DGKH: variants seen among roughly 807,000 people sequenced by gnomAD.
The protein encoded by DGKH is DAG kinase eta.
In DGKH, 90 loss-of-function variants were observed where a neutral mutation model predicts 159.3. The ratio of observed to expected loss-of-function variants is 0.57; its 90% confidence interval spans 0.48 to 0.67. The LOEUF (loss-of-function observed/expected upper bound fraction) is 0.67, where lower values mean the gene tolerates loss of function less well. Among genes scored for constraint, DGKH ranks in the 30% least tolerant of loss-of-function variants. The pLI is 0.00. For synonymous variants in DGKH, 536 were observed against 553.8 expected (o/e 0.97, Z 0.45); for missense variants, 1,181 against 1,506.1 (o/e 0.78, Z 3.57).
At chr13:42,098,497 A>T (rs1176177731) in intron 1 of DGKH, among the ~76,000 whole-genome samples, 1 of 152,012 alleles carries the variant, frequency 6.6e-6, no homozygotes, top group Non-Finnish European at 1.5e-5. Context: ...AAAAAAAAAA[A>T]ATAAATTAAT....
intron 3 of DGKH, among the ~76,000 whole-genome samples, chr13:42,152,433 GTATA>G (rs372520521): frequency 6.8e-6 from 1 of 147,082 alleles, no homozygotes; most frequent in Admixed American, 6.8e-5. Flanking sequence ...TTATATATGT[GTATA>G]TATATATATA....
At chr13:42,184,330 T>C (rs1333046734) in intron 13 of DGKH, among the ~76,000 whole-genome samples, 1 of 152,208 alleles carries the variant, frequency 6.6e-6, no homozygotes, top group East Asian at 1.9e-4. Flanking sequence ...TATTTTACTG[T>C]CATTTGCCCA....
At chr13:42,249,330 T>A (rs992066864) in intron 29 of DGKH, among the ~76,000 whole-genome samples, 4 of 152,056 alleles carry the variant, frequency 2.6e-5, no homozygotes, top group African/African-American at 9.7e-5. Context: ...GAGGATGGAG[T>A]GAGCCCGGCC....
intron 1 of DGKH, among the ~76,000 whole-genome samples, chr13:42,110,244 C>T (rs547462319): frequency 6.6e-6 from 1 of 152,252 alleles, no homozygotes. Flanking sequence ...ACCCTGTTTC[C>T]CATCCCACCC....
chr13:42,185,928 TAGG>T (rs1956909037), intron 13 of DGKH, among the ~76,000 whole-genome samples: 1 of 151,974 alleles, frequency 6.6e-6, no homozygotes, highest in Admixed American at 6.6e-5. Flanking sequence ...CAAAAATTGT[TAGG>T]AGGAATACAA....
At chr13:42,140,109 G>A (rs1192316159) in intron 3 of DGKH, among the ~76,000 whole-genome samples, 1 of 152,152 alleles carries the variant, frequency 6.6e-6, no homozygotes, top group Non-Finnish European at 1.5e-5. Context: ...TATTTCTGAG[G>A]CCAAACCCTG....
At chr13:42,095,440 G>C (rs1439386678) in intron 1 of DGKH, among the ~76,000 whole-genome samples, 1 of 152,072 alleles carries the variant, frequency 6.6e-6, no homozygotes, top group Non-Finnish European at 1.5e-5. Context: ...TGGGATTATA[G>C]GCATGAGCCA....
At chr13:42,152,434 T>C (rs1955927728) in intron 3 of DGKH, among the ~76,000 whole-genome samples, 1 of 147,138 alleles carries the variant, frequency 6.8e-6, no homozygotes, top group Non-Finnish European at 1.5e-5. Flanking sequence ...TATATATGTG[T>C]ATATATATAT....
At chr13:42,172,881 G>T (rs1037715820) in intron 11 of DGKH, among the ~76,000 whole-genome samples, 1 of 151,910 alleles carries the variant, frequency 6.6e-6, no homozygotes, top group African/African-American at 2.4e-5. Context: ...CACCATGTTG[G>T]CCAGGCTGAT....
At chr13:42,178,527 A>C (rs1956665469) in intron 13 of DGKH, among the ~76,000 whole-genome samples, 1 of 152,238 alleles carries the variant, frequency 6.6e-6, no homozygotes, top group Non-Finnish European at 1.5e-5. Context: ...ATTACTTATA[A>C]TATGGAAAAC....
chr13:42,189,203 C>A lies in DGKH; in HGVS notation c.1806C>A (p.Asp602Glu), dbSNP rs138446306. 6.2e-7 allele frequency: 1 copy of A among 1,614,172 alleles called. No homozygotes were observed. Among genetic ancestry groups the A allele is most frequent in the Admixed American group, 1.7e-5 (1 of 60,018 alleles). Residue 602 changes from aspartate to glutamate, a missense_variant, in exon 15 of 30, where the codon GAC becomes GAA. Asp to Glu is a conservative substitution (Grantham distance 45). Around this residue, in one of 5 missense-constraint regions of DGKH, gnomAD observed 257 missense variants for 281.5 expected, o/e 0.91. Transcript: ENST00000337343. ...AAAGCAAAGAGCAGCTTGGGGATGA[C>A]GTTACAAAACCTTCCTCCCAGAAAG... ...LGESKEQLGD[D>E]VTKPSSQKAV...
chr13:42,249,123 C>T (rs1234975994), intron 29 of DGKH, among the ~76,000 whole-genome samples: 1 of 152,116 alleles, frequency 6.6e-6, no homozygotes, highest in South Asian at 2.1e-4. Flanking sequence ...CCTGTAATCC[C>T]AGCATGTTGA....
At chr13:42,246,278 A>G (rs959858924), downstream of DGKH, among the ~76,000 whole-genome samples, 4 of 152,156 alleles carry the variant, frequency 2.6e-5, no homozygotes, top group Admixed American at 1.3e-4. Flanking sequence ...TGGTGATACC[A>G]GCCGCAAGAA....
chr13:42,148,692 A>G (rs1955798544), intron 3 of DGKH, among the ~76,000 whole-genome samples: 1 of 151,618 alleles, frequency 6.6e-6, no homozygotes, highest in Non-Finnish European at 1.5e-5. Context: ...TCAAATCTGT[A>G]CTCTTTGGTG....
At chr13:42,154,313 T>C (rs1037392942) in intron 3 of DGKH, among the ~76,000 whole-genome samples, 3 of 152,200 alleles carry the variant, frequency 2.0e-5, no homozygotes, top group Non-Finnish European at 4.4e-5. Flanking sequence ...ATTTTTCTCT[T>C]GTTCTGCAAG....
intron 13 of DGKH, among the ~76,000 whole-genome samples, chr13:42,180,116 C>G (rs1318800637): frequency 1.3e-5 from 2 of 152,210 alleles, no homozygotes; most frequent in Non-Finnish European, 2.9e-5. Flanking sequence ...TCCATTACAG[C>G]TTTCCACCTT....
chr13:42,125,397 C>T (rs1955150684), intron 1 of DGKH, among the ~76,000 whole-genome samples: 1 of 152,200 alleles, frequency 6.6e-6, no homozygotes, highest in African/African-American at 2.4e-5. Flanking sequence ...GCTCTACAGG[C>T]ATTATCTTAT....
rs966642285 is a variant in DGKH at position 42,239,207 on chromosome 13, C to T, written c.*10019C>T. The T allele has an allele frequency of 2.6e-5, 4 of 152,024 alleles. No individual in the cohort carries two copies. The East Asian group carries it at 7.7e-4, about 29-fold the overall frequency. 9.4% of individuals were successfully genotyped at this position (152,024 alleles called of 1,614,324 possible). On this transcript the variant is annotated 3_prime_UTR_variant, in exon 30 of 30. Coordinates refer to ENST00000337343, the MANE Select transcript of DGKH (RefSeq NM_178009.5). ...TTTTAATTAGAACATGCTCTGTTTA[C>T]AGATTATAATTGCGCAGCATTTTAA...
At chr13:42,192,732 C>T (rs1231109590) in intron 16 of DGKH, among the ~76,000 whole-genome samples, 1 of 152,056 alleles carries the variant, frequency 6.6e-6, no homozygotes, top group Non-Finnish European at 1.5e-5. Flanking sequence ...CTTCTCTCAC[C>T]TTACATCTTC....
Sources: allele counts gnomAD v4.1 joint callset (sites outside exome capture counted in the v4.1 genomes callset), GRCh38; gene constraint gnomAD v4.1.1; regional missense constraint gnomAD v4.1.1; transcripts MANE v1.5; gene names NCBI Gene and HGNC (gene_info 2026-07-23, HGNC 2026-07-21).